CAST: variants seen among roughly 807,000 people sequenced by gnomAD.
CAST encodes MIR583 host.
Under a neutral mutation model 119.6 loss-of-function variants are expected in CAST, and 76 were observed. The observed-to-expected ratio is 0.64, with a 90% CI of 0.53 to 0.77. The LOEUF (loss-of-function observed/expected upper bound fraction) is 0.77. Among genes scored for constraint, CAST ranks in the 30% least tolerant of loss-of-function variants. CAST has a pLI of 0.00. For missense variants in CAST, 953 were observed against 946.5 expected, an observed-to-expected ratio of 1.01 and a Z score of -0.09; for synonymous variants, 319 against 331.6, an observed-to-expected ratio of 0.96 and a Z score of 0.41.
intron 1 of CAST, among the ~76,000 whole-genome samples, chr5:96,552,902 A>G (rs1206454920): frequency 6.6e-6 from 1 of 152,200 alleles, no homozygotes; most frequent in Non-Finnish European, 1.5e-5. Flanking sequence ...AAGTTCTGAA[A>G]TTGAGGCAAT....
At chr5:96,628,176 T>C (rs1415627451) in intron 1 of CAST, among the ~76,000 whole-genome samples, 2 of 152,254 alleles carry the variant, frequency 1.3e-5, no homozygotes, top group Non-Finnish European at 2.9e-5. Flanking sequence ...TCTTTTGTAA[T>C]GGCATGCATG....
At chr5:96,088,305 C>T in the CAST span, among the ~76,000 whole-genome samples, 21 of 152,342 alleles carry the variant, frequency 1.4e-4, no homozygotes, top group Admixed American at 3.3e-4. Flanking sequence ...AGTTAACCCT[C>T]GATGCCCATC....
chr5:96,359,033 A>C, the CAST span, among the ~76,000 whole-genome samples: 1 of 152,158 alleles, frequency 6.6e-6, no homozygotes, highest in Admixed American at 6.5e-5. Flanking sequence ...TATTGAGTGC[A>C]TATATATTTA....
At chr5:96,732,072 C>G (rs192171) in intron 9 of CAST, among the ~76,000 whole-genome samples, 23 of 147,250 alleles carry the variant, frequency 1.6e-4, no homozygotes, top group Non-Finnish European at 2.3e-4. Flanking sequence ...CCTGAGGAAT[C>G]GCCACACTGA....
chr5:96,506,403 A>C, the CAST span, among the ~76,000 whole-genome samples: 1 of 152,248 alleles, frequency 6.6e-6, no homozygotes, highest in Admixed American at 6.5e-5. Context: ...AATCAAACCT[A>C]TAATCCCTTA....
chr5:96,017,509 A>G, the CAST span, among the ~76,000 whole-genome samples: 1 of 152,194 alleles, frequency 6.6e-6, no homozygotes. Flanking sequence ...TTCATTTGTA[A>G]CAAATTTCAG....
chr5:96,508,856 G>A, the CAST span, among the ~76,000 whole-genome samples: 1 of 152,138 alleles, frequency 6.6e-6, no homozygotes, highest in Non-Finnish European at 1.5e-5. Flanking sequence ...AAAATGGAGG[G>A]GAGAAAATAT....
At chr5:96,333,828 C>T in the CAST span, among the ~76,000 whole-genome samples, 1 of 152,198 alleles carries the variant, frequency 6.6e-6, no homozygotes, top group Non-Finnish European at 1.5e-5. Context: ...TGTGGCGTTA[C>T]ATGCAACCCT....
chr5:96,757,438 G>C lies in CAST; in HGVS notation c.1711-6G>C. On this transcript the variant is annotated splice_polypyrimidine_tract_variant and splice_region_variant and intron_variant, in intron 22 of 31. Transcript: ENST00000675179. ...TTTCATGCCATGTGTTTTCCCCCCC[G>C]GATAGGATAAAGATGGAAAGCCACT... 6.2e-7 allele frequency: 1 copy of C among 1,613,436 alleles called. No homozygotes were observed. The highest frequency in any genetic ancestry group is 8.5e-7 in the Non-Finnish European group (1 of 1,179,428).
the CAST span, among the ~76,000 whole-genome samples, chr5:96,457,334 G>A: frequency 6.6e-6 from 1 of 152,058 alleles, no homozygotes; most frequent in Non-Finnish European, 1.5e-5. Context: ...CTACCCTTTG[G>A]CCATCTGCCA....
At chr5:96,515,997 C>G in the CAST span, among the ~76,000 whole-genome samples, 1 of 36,596 alleles carries the variant, frequency 2.7e-5, no homozygotes, top group African/African-American at 9.5e-5. Context: ...TGGCCCTACA[C>G]CACTCACCTT....
chr5:96,156,664 G>A, the CAST span, among the ~76,000 whole-genome samples: 3 of 152,194 alleles, frequency 2.0e-5, no homozygotes, highest in Non-Finnish European at 4.4e-5. Context: ...AAGAAATAAA[G>A]TGTTTCAACT....
the CAST span, among the ~76,000 whole-genome samples, chr5:96,406,484 AG>A: frequency 6.6e-6 from 1 of 152,186 alleles, no homozygotes. Flanking sequence ...ACATCTTGCC[AG>A]CCCCTCCAAG....
At chr5:96,410,605 A>T in the CAST span, among the ~76,000 whole-genome samples, 18 of 152,110 alleles carry the variant, frequency 1.2e-4, no homozygotes, top group Non-Finnish European at 2.6e-4. Flanking sequence ...CCCTGGAGAG[A>T]AAACTTTCTG....
upstream of CAST, among the ~76,000 whole-genome samples, chr5:96,661,419 G>GAA (rs34922511): frequency 2.0e-4 from 18 of 88,362 alleles, no homozygotes; most frequent in Non-Finnish European, 3.5e-4. Flanking sequence ...TGCCTCTCCA[G>GAA]AAAAAAAAAA....
At chr5:96,318,358 G>A in the CAST span, 6 of 152,238 alleles carry the variant, frequency 3.9e-5, no homozygotes, top group Non-Finnish European at 8.8e-5. Context: ...TCTATGGGAA[G>A]TGAATGCTTT....
the CAST span, among the ~76,000 whole-genome samples, chr5:95,964,462 A>G: frequency 6.6e-6 from 1 of 152,224 alleles, no homozygotes; most frequent in Non-Finnish European, 1.5e-5. Flanking sequence ...GTGGCAAGTG[A>G]ACCAGTATAG....
At chr5:96,769,670 A>G (rs1181931819) in intron 29 of CAST, 1 of 151,956 alleles carries the variant, frequency 6.6e-6, no homozygotes, top group Non-Finnish European at 1.5e-5. Context: ...GTTATACATT[A>G]ACTCTCTACA....
At chr5:96,112,687 G>A in the CAST span, among the ~76,000 whole-genome samples, 1 of 152,190 alleles carries the variant, frequency 6.6e-6, no homozygotes, top group East Asian at 1.9e-4. Flanking sequence ...TGAAAATATT[G>A]TATAAATGGA....
Sources: gnomAD v4.1 joint callset for allele counts (sites outside exome capture counted in the v4.1 genomes callset) on GRCh38, gnomAD v4.1.1 for gene constraint, MANE v1.5 for transcripts, NCBI Gene and HGNC (gene_info 2026-07-23, HGNC 2026-07-21) for gene names.